Variants in CTNNA3 observed in about 807,000 individuals in gnomAD.
CTNNA3 encodes catenin alpha-3.
In CTNNA3, 76 loss-of-function variants were observed where a neutral mutation model predicts 95.7. That is an observed-to-expected ratio of 0.79 (90% CI 0.66 to 0.96). The LOEUF (loss-of-function observed/expected upper bound fraction) is 0.96, where lower values mean the gene tolerates loss of function less well. Among genes scored for constraint, CTNNA3 ranks in the 40% least tolerant of loss-of-function variants. The pLI, the probability that CTNNA3 is intolerant of heterozygous loss-of-function variation, is 0.00. For synonymous variants in CTNNA3, 431 were observed against 374.4 expected (o/e 1.15, Z -1.74); for missense variants, 1,191 against 1,089.8 (o/e 1.09, Z -1.31).
rs1589530313 is a variant in CTNNA3, at chr10:67,647,278, C to G, written c.99+137G>C. On this transcript the variant is annotated intron_variant, in intron 2 of 17. Coordinates refer to ENST00000433211, the MANE Select transcript of CTNNA3 (RefSeq NM_013266.4). Reference sequence around the variant, plus strand: ...CACATACCTACTTTTCACATCTTAACAACTCTTTAAAGGACAATTTTAGAT... The same window carrying G: ...CACATACCTACTTTTCACATCTTAAGAACTCTTTAAAGGACAATTTTAGAT... 1.1e-5 allele frequency: 6 copies of G among 542,464 alleles called. No individual in the cohort carries two copies. The East Asian group carries it at 1.7e-4, about 15-fold the overall frequency. 33.6% of individuals were successfully genotyped at this position (542,464 alleles called of 1,614,324 possible).
chr10:65,951,184 GA>G lies in CTNNA3; in HGVS notation c.2400+15427del, dbSNP rs1442857658. ...GCACCCTCTTAAAATCAATCAAAAT[GA>G]AACAAAACTGCCTTCTGTAGCATAA... On this transcript the variant is annotated intron_variant, in intron 17 of 17. Transcript: ENST00000433211. 4.6e-5 allele frequency among the ~76,000 whole-genome samples: 7 copies of G among 152,256 alleles called. No individual in the cohort carries two copies. The East Asian group carries it at 1.3e-3, about 29-fold the overall frequency.
intron 7 of CTNNA3, among the ~76,000 whole-genome samples, chr10:66,834,229 T>C (rs554734934): frequency 3.3e-5 from 5 of 152,322 alleles, no homozygotes; most frequent in African/African-American, 9.6e-5. Context: ...ATTAAGTAGA[T>C]AATCAGATGC....
chr10:66,164,812 G>C (rs2085039817), intron 13 of CTNNA3, among the ~76,000 whole-genome samples: 1 of 152,024 alleles, frequency 6.6e-6, no homozygotes, highest in African/African-American at 2.4e-5. Flanking sequence ...ACATAAATCA[G>C]TATTCATCCT....
intron 7 of CTNNA3, among the ~76,000 whole-genome samples, chr10:66,818,671 T>C (rs1402643352): frequency 6.6e-6 from 1 of 152,166 alleles, no homozygotes; most frequent in Non-Finnish European, 1.5e-5. Flanking sequence ...ATGTCAACAA[T>C]ATCCAAATTG....
chr10:67,417,232 G>A (rs1000047733), intron 5 of CTNNA3, among the ~76,000 whole-genome samples: 8 of 152,116 alleles, frequency 5.3e-5, no homozygotes, highest in Non-Finnish European at 1.0e-4. Context: ...ACTTATAAGT[G>A]GGAGCTAAGC....
chr10:67,753,808 G>A (rs1423918584), intron 1 of CTNNA3, among the ~76,000 whole-genome samples: 1 of 152,186 alleles, frequency 6.6e-6, no homozygotes, highest in Admixed American at 6.5e-5. Context: ...ATAAAGTCAA[G>A]AAACAACAGA....
chr10:67,142,802 T>C (rs1003677087), intron 7 of CTNNA3, among the ~76,000 whole-genome samples: 2 of 151,410 alleles, frequency 1.3e-5, no homozygotes, highest in Non-Finnish European at 2.9e-5. Context: ...CGTGGTGGCA[T>C]GTGCCTGTAA....
At chr10:66,884,641 C>T (rs916329355) in intron 7 of CTNNA3, among the ~76,000 whole-genome samples, 2 of 152,044 alleles carry the variant, frequency 1.3e-5, no homozygotes, top group African/African-American at 2.4e-5. Flanking sequence ...TGACCCAGAA[C>T]CAGAGCTAAG....
intron 7 of CTNNA3, among the ~76,000 whole-genome samples, chr10:66,978,552 A>AAAAAAAAAAAATATATATATATATATAT: frequency 2.6e-5 from 1 of 37,866 alleles, no homozygotes; most frequent in Non-Finnish European, 4.8e-5. Context: ...AAAAAAAAAA[A>AAAAAAAAAAAATATATATATATATATAT]ATATATATAT....
chr10:67,517,155 A>T (rs557599574), intron 5 of CTNNA3, among the ~76,000 whole-genome samples: 1 of 152,172 alleles, frequency 6.6e-6, no homozygotes, highest in Non-Finnish European at 1.5e-5. Flanking sequence ...GCTCTATTTC[A>T]TATGTTTTTA....
intron 10 of CTNNA3, among the ~76,000 whole-genome samples, chr10:66,571,292 A>G (rs1048472251): frequency 1.3e-5 from 2 of 152,198 alleles, no homozygotes; most frequent in Admixed American, 6.5e-5. Flanking sequence ...GAAGAAGTGA[A>G]AGCCTGAATT....
At chr10:66,161,666 A>G (rs569368866) in intron 13 of CTNNA3, among the ~76,000 whole-genome samples, 60 of 152,196 alleles carry the variant, frequency 3.9e-4, no homozygotes, top group Non-Finnish European at 7.8e-4. Context: ...TAGCCTGATG[A>G]CAATGTGCCT....
At chr10:67,155,512 T>C (rs1222634650) in intron 7 of CTNNA3, among the ~76,000 whole-genome samples, 1 of 121,868 alleles carries the variant, frequency 8.2e-6, no homozygotes, top group East Asian at 2.2e-4. Context: ...ACTATGTATA[T>C]GTGTTTGTAT....
Position 66,915,761 on chromosome 10 carries a change from T to TC in CTNNA3, c.1048-140238_1048-140237insG, listed in dbSNP as rs1183429871. On this transcript the variant is annotated intron_variant, in intron 7 of 17. Transcript: ENST00000433211. ...ATATATACATATATACATTTTTTTT[T>TC]TTTTTTTAGATGGAGCCTCGCTCTG... is the stretch of plus-strand genomic sequence containing the variant. Among the ~76,000 whole-genome samples, 10 of 150,702 alleles carry TC rather than the reference T, an allele frequency of 6.6e-5. No individual in the cohort carries two copies. The East Asian group carries it at 1.9e-3, about 29-fold the overall frequency.
Position 67,448,924 on chromosome 10 carries a change from T to C in CTNNA3, c.579+72918A>G, listed in dbSNP as rs78888715. On this transcript the variant is annotated intron_variant, in intron 5 of 17. Coordinates refer to ENST00000433211, the MANE Select transcript of CTNNA3 (RefSeq NM_013266.4). The stretch of plus-strand genomic sequence containing the variant: ...AGGTGGCAGATGACATGATTCTATA[T>C]CTAGCAAACCTCATAGTCTCAGCCC... Among the ~76,000 whole-genome samples, 3,959 of 150,842 alleles carry C rather than the reference T, an allele frequency of 0.026. 387 individuals carry two copies. The East Asian group carries it at 0.34, about 13-fold the overall frequency.
At position 67,414,243 on chromosome 10, in the gene CTNNA3, C is replaced by T. The variant is rs72806668; in HGVS notation, c.579+107599G>A. Among the ~76,000 whole-genome samples the T allele has an allele frequency of 6.4e-3, 972 of 151,866 alleles. 7 individuals carry two copies. Among genetic ancestry groups the T allele is most frequent in the Non-Finnish European group, 7.0e-3 (472 of 67,850 alleles). ...CAAATAAGCAAAATCAGAAACAACACTAATGATATTACAACTGATCCCACA... is the reference window on the plus strand; with the variant it reads ...CAAATAAGCAAAATCAGAAACAACATTAATGATATTACAACTGATCCCACA... On this transcript the variant is annotated intron_variant, in intron 5 of 17. Transcript: ENST00000433211.
intron 13 of CTNNA3, among the ~76,000 whole-genome samples, chr10:66,150,017 A>G (rs2084110523): frequency 6.6e-6 from 1 of 152,160 alleles, no homozygotes; most frequent in Non-Finnish European, 1.5e-5. Context: ...TAATCTTTCT[A>G]ATCCACAATG....
chr10:66,943,547 G>A (rs1452294046), intron 7 of CTNNA3, among the ~76,000 whole-genome samples: 2 of 149,346 alleles, frequency 1.3e-5, no homozygotes, highest in Non-Finnish European at 3.0e-5. Flanking sequence ...ATTAGCATTG[G>A]CTTCCAGTTA....
At chr10:66,306,687 T>C (rs2091939039) in intron 12 of CTNNA3, among the ~76,000 whole-genome samples, 2 of 152,204 alleles carry the variant, frequency 1.3e-5, no homozygotes, top group South Asian at 4.1e-4. Context: ...ATCGAGTACT[T>C]ACGCTCTGCA....
Sources: gnomAD v4.1 joint callset for allele counts (sites outside exome capture counted in the v4.1 genomes callset) on GRCh38, gnomAD v4.1.1 for gene constraint, MANE v1.5 for transcripts, NCBI Gene and HGNC (gene_info 2026-07-23, HGNC 2026-07-21) for gene names.